Variants in RXRA observed in about 807,000 individuals in gnomAD.
The protein encoded by RXRA is retinoid X receptor alpha.
Under a neutral mutation model 44.5 loss-of-function variants are expected in RXRA, and 5 were observed. That is an observed-to-expected ratio of 0.11 (90% CI 0.06 to 0.24). RXRA has a LOEUF of 0.24. Ranked by LOEUF, RXRA falls within the 10% of genes least tolerant of loss-of-function variation. The pLI, the probability that RXRA is intolerant of heterozygous loss-of-function variation, is 1.00. For missense variants in RXRA, 412 were observed against 646.5 expected (o/e 0.64, Z 3.93); for synonymous variants, 291 against 271.4 (o/e 1.07, Z -0.71).
At chr9:134,327,380 G>T (rs1214984627) in intron 1 of RXRA, among the ~76,000 whole-genome samples, 1 of 152,166 alleles carries the variant, frequency 6.6e-6, no homozygotes, top group Non-Finnish European at 1.5e-5. Context: ...CCGCCCGGTA[G>T]CTTCCTATCC....
chr9:134,379,944 A>T lies in RXRA; in HGVS notation c.29-21688A>T. On this transcript the variant is annotated intron_variant, in intron 1 of 9. Coordinates refer to ENST00000481739, the MANE Select transcript of RXRA (RefSeq NM_002957.6). ...TCTGGGTCTGAGACTCTGGCCTCCC[A>T]GCCTGCTCCCCTGGGGGTTGGTGGA... 9 of 985,260 alleles carry T rather than the reference A, an allele frequency of 9.1e-6. 1 individual carries two copies. The South Asian group carries it at 4.2e-4, about 46-fold the overall frequency. 61.0% of individuals were successfully genotyped at this position (985,260 alleles called of 1,614,324 possible).
chr9:134,403,276 T>C (rs1406620140), intron 2 of RXRA: 1 of 152,308 alleles, frequency 6.6e-6, no homozygotes, highest in African/African-American at 2.4e-5. Context: ...CCCCTCTGCT[T>C]TGGGGGATGT....
intron 1 of RXRA, among the ~76,000 whole-genome samples, chr9:134,398,056 T>C (rs1346689834): frequency 6.6e-6 from 1 of 152,190 alleles, no homozygotes; most frequent in Non-Finnish European, 1.5e-5. Context: ...CTCTGCTTAC[T>C]GCAACCTCCG....
chr9:134,436,606 A>G lies in RXRA; in HGVS notation c.1381A>G (p.Met461Val), dbSNP rs746900649. The G allele has an allele frequency of 2.5e-6, 4 of 1,613,880 alleles. No homozygotes were observed. The highest frequency in any genetic ancestry group is 1.1e-5 in the South Asian group (1 of 91,086). The change falls in exon 10 of 10, where the codon ATG (methionine) becomes GTG (valine). Residue 461 changes from methionine to valine, a missense_variant. This residue lies in a region of RXRA where 141 missense variants were observed against 270.8 expected (regional missense o/e 0.52). Transcript: ENST00000481739. ...GGAGATGCTGGAGGCGCCGCACCAA[A>G]TGACTTAGGCCTGCGGGCCCATCCT... ...LMEMLEAPHQMT is the reference protein window; with the variant it reads ...LMEMLEAPHQVT
chr9:134,385,896 G>C (rs1217375747), intron 1 of RXRA, among the ~76,000 whole-genome samples: 1 of 152,268 alleles, frequency 6.6e-6, no homozygotes. Context: ...TCCGGGCCTT[G>C]CCCTTGTCCT....
intron 1 of RXRA, among the ~76,000 whole-genome samples, chr9:134,375,579 G>A (rs1830545729): frequency 6.6e-6 from 1 of 152,168 alleles, no homozygotes; most frequent in Non-Finnish European, 1.5e-5. Context: ...GGAGAGCTGG[G>A]AGTGACGCTG....
chr9:134,370,474 G>A (rs764941305), intron 1 of RXRA, among the ~76,000 whole-genome samples: 2 of 152,222 alleles, frequency 1.3e-5, no homozygotes, highest in African/African-American at 4.8e-5. Context: ...TTTGTCTCTC[G>A]CCGTGGGGCA....
At chr9:134,387,349 C>T (rs550180482) in intron 1 of RXRA, among the ~76,000 whole-genome samples, 73 of 152,376 alleles carry the variant, frequency 4.8e-4, no homozygotes, top group Admixed American at 5.9e-4. Context: ...TCGGCGCCCA[C>T]GGTACAGGAA....
chr9:134,375,672 C>T (rs755344730), intron 1 of RXRA, among the ~76,000 whole-genome samples: 8 of 152,122 alleles, frequency 5.3e-5, no homozygotes, highest in East Asian at 1.9e-4. Flanking sequence ...GGCCCGGGGC[C>T]GGCAGCTCTG....
intron 1 of RXRA, among the ~76,000 whole-genome samples, chr9:134,383,345 T>C: frequency 6.6e-6 from 1 of 152,064 alleles, no homozygotes; most frequent in East Asian, 1.9e-4. Context: ...GGTCAGGATG[T>C]GTCCAGGGGC....
chr9:134,351,780 C>T lies in RXRA; in HGVS notation c.28+25121C>T, dbSNP rs558113675. ...GAACTTGTTTTTAACCATCAGAACG[C>T]GAGGTGAATGACATGGAGTTGGGTT... On this transcript the variant is annotated intron_variant, in intron 1 of 9. Transcript: ENST00000481739. 1.7e-3 allele frequency among the ~76,000 whole-genome samples: 260 copies of T among 152,334 alleles called. 1 individual carries two copies. Among genetic ancestry groups the T allele is most frequent in the Non-Finnish European group, 2.2e-3 (153 of 68,034 alleles).
intron 1 of RXRA, among the ~76,000 whole-genome samples, chr9:134,362,664 A>G (rs1830366274): frequency 6.6e-6 from 1 of 152,192 alleles, no homozygotes; most frequent in South Asian, 2.1e-4. Flanking sequence ...TAAGTCGTGG[A>G]TTCCTTCACA....
At chr9:134,346,124 C>A (rs574911586) in intron 1 of RXRA, among the ~76,000 whole-genome samples, 1 of 152,136 alleles carries the variant, frequency 6.6e-6, no homozygotes, top group Non-Finnish European at 1.5e-5. Flanking sequence ...CAGGGTCCCT[C>A]GGCTCTACCA....
Position 134,434,090 on chromosome 9 carries a change from T to G in RXRA, c.1136-12T>G. 5 of 1,609,018 alleles carry G rather than the reference T, an allele frequency of 3.1e-6. No individual in the cohort carries two copies. The highest frequency in any genetic ancestry group is 1.7e-4 in the Middle Eastern group (1 of 6,054). ...CAGCTGAGGGTTCTGACCTGTGGCT[T>G]CTTCCTTTCAGACTCCAAGGGGCTC... On this transcript the variant is annotated splice_polypyrimidine_tract_variant and intron_variant, in intron 8 of 9. Transcript: ENST00000481739.
chr9:134,403,290 C>G (rs1390290336), intron 2 of RXRA: 1 of 152,294 alleles, frequency 6.6e-6, no homozygotes, highest in African/African-American at 2.4e-5. Flanking sequence ...GGGATGTGTG[C>G]AGAAGAACTG....
chr9:134,436,885 C>A lies in RXRA; in HGVS notation c.*271C>A. ...CCCAGCCAGGCGCCTCCCCACCGGG[C>A]TCTCAGGACACCCTGCCACACCCCA... On this transcript the variant is annotated 3_prime_UTR_variant, in exon 10 of 10. Coordinates refer to ENST00000481739, the MANE Select transcript of RXRA (RefSeq NM_002957.6). 2.2e-6 allele frequency: 1 copy of A among 452,938 alleles called. No individual in the cohort carries two copies. Among genetic ancestry groups the A allele is most frequent in the Non-Finnish European group, 4.0e-6 (1 of 251,750 alleles). 28.1% of individuals were successfully genotyped at this position (452,938 alleles called of 1,614,324 possible).
intron 1 of RXRA, among the ~76,000 whole-genome samples, chr9:134,357,350 GGACTTTC>G (rs1422222673): frequency 2.0e-5 from 3 of 152,336 alleles, no homozygotes; most frequent in African/African-American, 7.2e-5. Flanking sequence ...TGGGAAAAGG[GGACTTTC>G]AGGGCCAGGG....
In RXRA at chr9:134,417,861, C is replaced by A. The variant is rs961271052; in HGVS notation, c.780+534C>A. ...CTCTGCAGCCCCCCAGCTGGTCACC[C>A]CCATGCTGACCCTCCTGCCCCCTCC... On this transcript the variant is annotated intron_variant, in intron 5 of 9. Transcript: ENST00000481739. This position sits in a 1 kb window ranked among gnomAD's most constrained non-coding sequence, Gnocchi z 6.1. 2.6e-5 allele frequency among the ~76,000 whole-genome samples: 4 copies of A among 152,074 alleles called. No individual in the cohort carries two copies. Among genetic ancestry groups the A allele is most frequent in the Admixed American group, 6.5e-5 (1 of 15,280 alleles).
chr9:134,399,694 T>C (rs1446844789), intron 1 of RXRA, among the ~76,000 whole-genome samples: 1 of 152,258 alleles, frequency 6.6e-6, no homozygotes, highest in East Asian at 1.9e-4. Flanking sequence ...TCTGCATTTT[T>C]AGTTCAATGA....
Sources: allele counts gnomAD v4.1 joint callset (sites outside exome capture counted in the v4.1 genomes callset), GRCh38; gene constraint gnomAD v4.1.1; regional missense constraint gnomAD v4.1.1; non-coding constraint Gnocchi (gnomAD v3.1); transcripts MANE v1.5; gene names NCBI Gene and HGNC (gene_info 2026-07-23, HGNC 2026-07-21).